The following TPR variants were observed in gnomAD, a reference collection of about 807,000 sequenced individuals.
TPR encodes translocated promoter region, nuclear basket protein.
Under a neutral mutation model 316.1 loss-of-function variants are expected in TPR, and 51 were observed. That is an observed-to-expected ratio of 0.16 (90% CI 0.13 to 0.20). TPR has a LOEUF of 0.20. Among genes scored for constraint, TPR ranks in the 10% least tolerant of loss-of-function variants. The pLI is 1.00. For synonymous variants in TPR, 981 were observed against 914.7 expected (o/e 1.07, Z -1.31); for missense variants, 2,272 against 2,754.8 (o/e 0.82, Z 3.92).
rs758981353 is a variant in TPR, at chr1:186,362,382, T to A, written c.697-2A>T. 1 of 1,607,864 alleles carries A rather than the reference T, an allele frequency of 6.2e-7. No individual in the cohort carries two copies. The highest frequency in any genetic ancestry group is 8.5e-7 in the Non-Finnish European group (1 of 1,175,654). Reference sequence around the variant, plus strand: ...CATTTGTTCTTCCAGTCTAGAAACCTAAAAACAAAAAATAGAGCAGGGGGA... The same window carrying A: ...CATTTGTTCTTCCAGTCTAGAAACCAAAAAACAAAAAATAGAGCAGGGGGA... On this transcript the variant is annotated splice_acceptor_variant, in intron 6 of 50. Transcript: ENST00000367478. LOFTEE classifies it high-confidence loss of function.
At chr1:186,331,912 C>T (rs1427382812) in intron 38 of TPR, among the ~76,000 whole-genome samples, 2 of 151,948 alleles carry the variant, frequency 1.3e-5, no homozygotes, top group Non-Finnish European at 2.9e-5. Context: ...CAGTTTATGT[C>T]CATGAGACTT....
intron 9 of TPR, 144 bp downstream of exon 9, chr1:186,361,478 C>G: frequency 3.0e-6 from 2 of 673,458 alleles, no homozygotes; most frequent in Non-Finnish European, 4.8e-6. Context: ...TCTGAATTTC[C>G]TAATCCAAAG....
At chr1:186,368,061 T>A in intron 3 of TPR, 79 bp from the exon 4 acceptor site, 1 of 974,450 alleles carries the variant, frequency 1.0e-6, no homozygotes, top group Non-Finnish European at 1.6e-6. Flanking sequence ...TCACTTTAGT[T>A]AACATCAGCT....
Position 186,365,078 on chromosome 1 carries a change from TACC to T in TPR, c.428-1636_428-1634del. ...ATGCTTTGTCCCTAAAGTCAGAAAG[TACC>T]TTGCTAGTAAAGGGGCTGCCCTTTT... is the stretch of plus-strand genomic sequence containing the variant. On this transcript the variant is annotated intron_variant, in intron 4 of 50. Coordinates refer to ENST00000367478, the MANE Select transcript of TPR (RefSeq NM_003292.3). Among the ~76,000 whole-genome samples, 3 of 149,620 alleles carry T rather than the reference TACC, an allele frequency of 2.0e-5. 1 individual carries two copies. The highest frequency in any genetic ancestry group is 6.7e-5 in the Admixed American group (1 of 14,954).
At chr1:186,373,487 A>G in intron 1 of TPR, 24 bp from the exon 2 acceptor site, 1 of 1,515,510 alleles carries the variant, frequency 6.6e-7, no homozygotes, top group South Asian at 1.1e-5. Flanking sequence ...GCAAAAAACA[A>G]AAAACAAAAT....
At chr1:186,335,811 C>A (rs182545740) in intron 33 of TPR, among the ~76,000 whole-genome samples, 1 of 152,142 alleles carries the variant, frequency 6.6e-6, no homozygotes, top group Non-Finnish European at 1.5e-5. Flanking sequence ...TTAACAGAAG[C>A]CCGTTTATAT....
chr1:186,339,515 C>A, intron 30 of TPR, 127 bp downstream of exon 30: 1 of 653,198 alleles, frequency 1.5e-6, no homozygotes, highest in South Asian at 5.1e-5. Flanking sequence ...AGATGGAAGT[C>A]AGATATAGGT....
At chr1:186,353,248 T>G (rs893724485) in intron 18 of TPR, among the ~76,000 whole-genome samples, 40 of 152,032 alleles carry the variant, frequency 2.6e-4, no homozygotes, top group African/African-American at 9.4e-4. Context: ...GGCGGGCACC[T>G]GTAGTCCCAG....
chr1:186,371,668 G>C (rs934601227), intron 2 of TPR, among the ~76,000 whole-genome samples: 1 of 152,008 alleles, frequency 6.6e-6, no homozygotes, highest in Admixed American at 6.5e-5. Context: ...TTTTGAAACT[G>C]TATTTCACTA....
rs186317277 is a variant in TPR, at chr1:186,343,941, T to C, written c.3567A>G (p.Glu1189=). 162 of 1,613,596 alleles carry C rather than the reference T, an allele frequency of 1.0e-4. No homozygotes were observed. Among genetic ancestry groups the C allele is most frequent in the African/African-American group, 8.9e-4 (67 of 75,050 alleles). ...QGPLNVSLSE[E]GKSQEQILEI... The stretch of plus-strand genomic sequence containing the variant: ...CCAAAATTTGTTCTTGAGATTTTCC[T>C]TCTTCACTGAGAGATACATTCAGTG... Residue 1189 remains glutamate (E), a synonymous_variant, in exon 26 of 51, where the codon GAA becomes GAG. Transcript: ENST00000367478.
chr1:186,320,367 A>G lies in TPR; in HGVS notation c.6513T>C (p.Asp2171=). The G allele has an allele frequency of 6.2e-7, 1 of 1,613,386 alleles. No individual in the cohort carries two copies. The change falls in exon 46 of 51, where the codon GAT becomes GAC. Residue 2171 remains aspartate, a synonymous_variant. Transcript: ENST00000367478. ...AGTGACTAGAACTTGTTTGTGGCATATCTTCAGGTGGCCCAAACCGGAATC... is the reference window on the plus strand; with the variant it reads ...AGTGACTAGAACTTGTTTGTGGCATGTCTTCAGGTGGCCCAAACCGGAATC... ...VPRFRFGPPE[D]MPQTSSSHSD...
chr1:186,317,649 C>T, intron 48 of TPR, 49 bp from the exon 49 acceptor site: 1 of 1,525,600 alleles, frequency 6.6e-7, no homozygotes, highest in Non-Finnish European at 9.0e-7. Flanking sequence ...TACAGTCAAT[C>T]ATAAATTATA....
intron 45 of TPR, 126 bp downstream of exon 45, chr1:186,322,192 G>A (rs1409891690): frequency 1.2e-6 from 1 of 851,154 alleles, no homozygotes; most frequent in South Asian, 1.7e-5. Context: ...CCTACCCCAA[G>A]TACTTATTAG....
chr1:186,313,140 G>A lies in TPR; in HGVS notation c.*831C>T. The stretch of plus-strand genomic sequence containing the variant: ...AACATCCAGTTACTAGAGTAAACTT[G>A]CTACTGACAATAGTATTTTACTTCT... On this transcript the variant is annotated 3_prime_UTR_variant, in exon 51 of 51. Transcript: ENST00000367478. 1.9e-6 allele frequency: 1 copy of A among 513,328 alleles called. No individual in the cohort carries two copies. The highest frequency in any genetic ancestry group is 3.2e-5 in the Admixed American group (1 of 31,346). The allele number at this position is 513,328 out of a possible 1,614,324, so 31.8% of individuals were successfully genotyped here.
At chr1:186,362,524 C>T in intron 6 of TPR, 144 bp from the exon 7 acceptor site, 1 of 667,070 alleles carries the variant, frequency 1.5e-6, no homozygotes. Context: ...TTTAAGAAAA[C>T]TAAGAGTAAC....
intron 46 of TPR, 33 bp from the exon 47 acceptor site, chr1:186,318,861 G>GA (rs759098378): frequency 7.6e-6 from 12 of 1,586,310 alleles, no homozygotes; most frequent in African/African-American, 6.8e-5. Context: ...ATGAATGACT[G>GA]AAAAAAACAT....
chr1:186,353,146 GCA>G (rs1658915458), intron 18 of TPR, among the ~76,000 whole-genome samples: 5 of 152,188 alleles, frequency 3.3e-5, no homozygotes, highest in Non-Finnish European at 7.3e-5. Context: ...GCTAAGGCGG[GCA>G]AATCACGAGG....
chr1:186,351,867 G>A (rs1372275949), intron 19 of TPR, 109 bp downstream of exon 19: 1 of 1,258,636 alleles, frequency 7.9e-7, no homozygotes, highest in Non-Finnish European at 1.1e-6. Flanking sequence ...GATCATAATG[G>A]ATGACAAAAG....
intron 40 of TPR, among the ~76,000 whole-genome samples, chr1:186,326,879 C>T (rs1293351115): frequency 7.0e-6 from 1 of 143,326 alleles, no homozygotes; most frequent in African/African-American, 2.6e-5. Context: ...CAAAATGAAA[C>T]AAAATTTTAA....
Sources: allele counts gnomAD v4.1 joint callset (sites outside exome capture counted in the v4.1 genomes callset), GRCh38; gene constraint gnomAD v4.1.1; transcripts MANE v1.5; gene names NCBI Gene and HGNC (gene_info 2026-07-23, HGNC 2026-07-21).